Variants in DBX2 observed in about 807,000 individuals in gnomAD.
The protein encoded by DBX2 is homeobox protein DBX2.
Under a neutral mutation model 17.7 loss-of-function variants are expected in DBX2, and 16 were observed. The ratio of observed to expected loss-of-function variants is 0.90; its 90% CI spans 0.61 to 1.37. The LOEUF is 1.37. Among genes scored for constraint, DBX2 ranks in the 40% most tolerant of loss-of-function variants. The pLI is 0.00. For missense variants in DBX2, 538 were observed against 433.8 expected (o/e 1.24, Z -2.13); for synonymous variants, 255 against 183.8 (o/e 1.39, Z -3.13).
At chr12:45,017,025 A>G (rs2643151) in intron 3 of DBX2, among the ~76,000 whole-genome samples, 78,902 of 151,734 alleles carry the variant, frequency 0.52, 21,049 homozygotes, top group East Asian at 0.8. Context: ...AGCTCAAACA[A>G]TCTGCCCGCC....
At chr12:45,027,210 G>A (rs1159133893) in intron 2 of DBX2, among the ~76,000 whole-genome samples, 1 of 152,142 alleles carries the variant, frequency 6.6e-6, no homozygotes, top group Non-Finnish European at 1.5e-5. Flanking sequence ...TCAGTGCTTA[G>A]CTCACATTAA....
intron 1 of DBX2, among the ~76,000 whole-genome samples, chr12:45,039,381 G>A (rs946202346): frequency 8.5e-5 from 12 of 141,834 alleles, no homozygotes; most frequent in Admixed American, 7.2e-5. Context: ...ACCAAAACAG[G>A]AAACTCTGCT....
chr12:45,020,692 C>G (rs10689542), intron 3 of DBX2, among the ~76,000 whole-genome samples: 2 of 92,858 alleles, frequency 2.2e-5, no homozygotes, highest in Non-Finnish European at 4.6e-5. Flanking sequence ...TATATATATA[C>G]ACACACACAC....
At chr12:45,025,668 T>C (rs1234249955) in intron 2 of DBX2, among the ~76,000 whole-genome samples, 2 of 150,722 alleles carry the variant, frequency 1.3e-5, no homozygotes, top group African/African-American at 4.9e-5. Flanking sequence ...AGCTACTATG[T>C]AACATAGCAC....
intron 3 of DBX2, among the ~76,000 whole-genome samples, chr12:45,018,573 T>C (rs770221221): frequency 3.3e-5 from 5 of 151,944 alleles, no homozygotes; most frequent in Non-Finnish European, 5.9e-5. Context: ...AGAGGATACA[T>C]GGAAAAGATA....
intron 1 of DBX2, among the ~76,000 whole-genome samples, chr12:45,043,243 T>C (rs373838869): frequency 7.9e-5 from 12 of 152,266 alleles, no homozygotes; most frequent in African/African-American, 2.9e-4. Context: ...TCTTCTTCCT[T>C]TGAATTTGGA....
intron 1 of DBX2, among the ~76,000 whole-genome samples, chr12:45,042,155 C>CTTTT (rs1946474899): frequency 6.6e-6 from 1 of 152,004 alleles, no homozygotes; most frequent in Non-Finnish European, 1.5e-5. Context: ...AGGATGAGAC[C>CTTTT]GTGAAAAGAA....
chr12:45,021,997 C>T (rs1946354871), intron 3 of DBX2, among the ~76,000 whole-genome samples: 1 of 152,068 alleles, frequency 6.6e-6, no homozygotes. Flanking sequence ...GTCTTGCACA[C>T]AACAGACCAT....
At chr12:45,039,011 T>A (rs969035814) in intron 1 of DBX2, among the ~76,000 whole-genome samples, 1 of 152,004 alleles carries the variant, frequency 6.6e-6, no homozygotes, top group Non-Finnish European at 1.5e-5. Context: ...GAAGTTCTAT[T>A]GTGTACAATT....
Position 45,050,897 on chromosome 12 carries a change from C to T in DBX2, c.31G>A (p.Gly11Ser), listed in dbSNP as rs746897983. MLPSAVAAHA[G>S]AYWDVVASSA... ...GAAGCCACAACGTCCCAGTACGCAC[C>T]GGCGTGGGCTGCGACCGCGCTGGGG... is the stretch of plus-strand genomic sequence containing the variant. Residue 11 changes from glycine (G) to serine (S), a missense_variant, in exon 1 of 4, where the codon GGT becomes AGT. Gly to Ser is a moderately conservative substitution (Grantham distance 56, BLOSUM62 0). Coordinates refer to ENST00000332700, the MANE Select transcript of DBX2 (RefSeq NM_001004329.3). 66 of 1,515,026 alleles carry T rather than the reference C, an allele frequency of 4.4e-5. No homozygotes were observed. In the East Asian group the frequency reaches 5.2e-4, roughly 12 times the overall value. 93.8% of individuals were successfully genotyped at this position (1,515,026 alleles called of 1,614,324 possible). A position where few individuals can be genotyped will look rare whatever the true frequency, so the allele number is the denominator to read the frequency against.
chr12:45,047,660 T>C (rs1458049677), intron 1 of DBX2, among the ~76,000 whole-genome samples: 2 of 152,170 alleles, frequency 1.3e-5, no homozygotes, highest in Non-Finnish European at 2.9e-5. Context: ...TCTTCCATTA[T>C]GGGCTGAGGG....
At chr12:45,022,875 G>A (rs895598306) in intron 3 of DBX2, among the ~76,000 whole-genome samples, 2 of 152,170 alleles carry the variant, frequency 1.3e-5, no homozygotes, top group African/African-American at 4.8e-5. Context: ...TTAGGTTAAA[G>A]AGAACACAAA....
At chr12:45,050,460 G>C (rs942651606) in intron 1 of DBX2, 65 bp downstream of exon 1, 16 of 1,526,932 alleles carry the variant, frequency 1.0e-5, no homozygotes, top group African/African-American at 1.4e-5. Flanking sequence ...GGCGCTCCCA[G>C]ATCCCTGGAC....
At chr12:45,036,833 T>C (rs1946443682) in intron 1 of DBX2, among the ~76,000 whole-genome samples, 1 of 152,234 alleles carries the variant, frequency 6.6e-6, no homozygotes, top group Non-Finnish European at 1.5e-5. Context: ...AATAATCCCA[T>C]TTTATCTCAA....
At chr12:45,049,188 A>G (rs1351324615) in intron 1 of DBX2, among the ~76,000 whole-genome samples, 1 of 152,248 alleles carries the variant, frequency 6.6e-6, no homozygotes, top group Non-Finnish European at 1.5e-5. Context: ...CTTGAAAAAT[A>G]ACTTCTATCA....
At chr12:45,037,180 T>A (rs1284639357) in intron 1 of DBX2, among the ~76,000 whole-genome samples, 4 of 152,196 alleles carry the variant, frequency 2.6e-5, no homozygotes, top group Admixed American at 6.5e-5. Flanking sequence ...GGATAAAACA[T>A]GAATAATAAC....
intron 1 of DBX2, among the ~76,000 whole-genome samples, chr12:45,040,159 AG>A (rs1240067027): frequency 6.6e-6 from 1 of 152,170 alleles, no homozygotes; most frequent in Non-Finnish European, 1.5e-5. Flanking sequence ...ATCAGCTGCC[AG>A]TGCAGATAGA....
In DBX2 at chr12:45,050,987, C is replaced by T. The variant is rs1025048349; in HGVS notation, c.-60G>A. The T allele has an allele frequency of 5.4e-5, 73 of 1,341,558 alleles. No individual in the cohort carries two copies. Among genetic ancestry groups the T allele is most frequent in the African/African-American group, 7.7e-5 (5 of 64,760 alleles). 83.1% of individuals were successfully genotyped at this position (1,341,558 alleles called of 1,614,324 possible). ...TTGCGCCCGCCTGTCGCCCGGGCGC[C>T]CCGCACCGCACCCAGAGCCGCAGCT... is the stretch of plus-strand genomic sequence containing the variant. On this transcript the variant is annotated 5_prime_UTR_variant, in exon 1 of 4. Transcript: ENST00000332700.
chr12:45,037,349 G>C (rs1483877852), intron 1 of DBX2, among the ~76,000 whole-genome samples: 1 of 152,100 alleles, frequency 6.6e-6, no homozygotes, highest in African/African-American at 2.4e-5. Flanking sequence ...AGAGTGCCTA[G>C]CACATTCTAA....
Sources: allele counts gnomAD v4.1 joint callset (sites outside exome capture counted in the v4.1 genomes callset), GRCh38; gene constraint gnomAD v4.1.1; transcripts MANE v1.5; gene names NCBI Gene and HGNC (gene_info 2026-07-23, HGNC 2026-07-21).